Variants in MIA3 observed in about 807,000 individuals in gnomAD.
MIA3 encodes the protein transport and Golgi organization protein 1 homolog.
In MIA3, 90 loss-of-function variants were observed where a neutral mutation model predicts 192.4. That is an observed-to-expected ratio of 0.47 (90% CI 0.39 to 0.56). The LOEUF (loss-of-function observed/expected upper bound fraction) is 0.56, where lower values mean the gene tolerates loss of function less well. MIA3 is among the 20% of genes least tolerant of loss of function. The pLI, the probability that MIA3 is intolerant of heterozygous loss-of-function variation, is 0.00. For synonymous variants in MIA3, 740 were observed against 792.8 expected (o/e 0.93, Z 1.12); for missense variants, 2,123 against 2,269.4 (o/e 0.94, Z 1.31).
chr1:222,618,154 G>A lies in MIA3; in HGVS notation c.44G>A (p.Arg15Gln). 1.3e-6 allele frequency: 2 copies of A among 1,505,148 alleles called. No individual in the cohort carries two copies. The highest frequency in any genetic ancestry group is 5.6e-5 in the East Asian group (2 of 35,606). 93.2% of individuals were successfully genotyped at this position (1,505,148 alleles called of 1,614,324 possible). The change falls in exon 1 of 28, where the codon CGG (arginine) becomes CAG (glutamine). Residue 15 changes from arginine to glutamine, a missense_variant. This residue lies in a region of MIA3 where 1,357 missense variants were observed against 1,396.1 expected (regional missense o/e 0.97). Coordinates refer to ENST00000344922, the MANE Select transcript of MIA3 (RefSeq NM_198551.4). ...CTGCTCGTCTGGCTGCTCGTGCTCC[G>A]GCTGCCCTGGCGGGTGCCGGGCCAG... ...PGLLVWLLVL[R>Q]LPWRVPGQLD...
intron 1 of MIA3, 147 bp downstream of exon 1, chr1:222,618,390 T>C: frequency 1.2e-6 from 1 of 812,656 alleles, no homozygotes; most frequent in Non-Finnish European, 1.6e-6. Context: ...GCAGGCGGGA[T>C]GGGCTGAACG....
intron 6 of MIA3, chr1:222,641,444 C>A (rs1558184063): frequency 4.0e-6 from 2 of 496,830 alleles, no homozygotes; most frequent in South Asian, 3.0e-5. Flanking sequence ...GAGCTGCCCC[C>A]AGGGCTCTGG....
At chr1:222,632,425 T>A (rs1450739608) in intron 5 of MIA3, 99 bp downstream of exon 5, 15 of 1,099,710 alleles carry the variant, frequency 1.4e-5, no homozygotes, top group African/African-American at 7.9e-5. Flanking sequence ...CTTGTTAAAT[T>A]CAAAGGAAAA....
At position 222,627,495 on chromosome 1, in the gene MIA3, T is replaced by C. The variant is rs1571864022; in HGVS notation, c.355-80T>C. The C allele has an allele frequency of 1.3e-5, 16 of 1,201,026 alleles. No individual in the cohort carries two copies. In the East Asian group the frequency reaches 3.8e-4, roughly 28 times the overall value. 74.4% of individuals were successfully genotyped at this position (1,201,026 alleles called of 1,614,324 possible). On this transcript the variant is annotated intron_variant, in intron 3 of 27. Coordinates refer to ENST00000344922, the MANE Select transcript of MIA3 (RefSeq NM_198551.4). Reference sequence around the variant, plus strand: ...AGAGCCAAACGTGAATTCGAGATTATCTCAATCATTAACGTGGATAAGACT... The same window carrying C: ...AGAGCCAAACGTGAATTCGAGATTACCTCAATCATTAACGTGGATAAGACT...
At position 222,659,911 on chromosome 1, in the gene MIA3, T is replaced by G; in HGVS notation, c.4880T>G (p.Leu1627Ter). The change falls in exon 23 of 28, where the codon TTA (leucine) becomes TGA (stop). Residue 1627 changes from leucine to a stop codon, truncating the protein, a stop_gained. Coordinates refer to ENST00000344922, the MANE Select transcript of MIA3 (RefSeq NM_198551.4). LOFTEE classifies it high-confidence loss of function. ...ATTCTTTCTCTATATTCAAGATTAT[T>G]AGAATTAACACAAAAGATGGCAATG... is the stretch of plus-strand genomic sequence containing the variant. ...REAANLRHKL[L>*]ELTQKMAMLQ... 1.2e-6 allele frequency: 2 copies of G among 1,611,660 alleles called. No individual in the cohort carries two copies. The highest frequency in any genetic ancestry group is 1.7e-6 in the Non-Finnish European group (2 of 1,178,282).
chr1:222,645,456 A>G, intron 6 of MIA3, 98 bp from the exon 7 acceptor site: 1 of 1,070,576 alleles, frequency 9.3e-7, no homozygotes, highest in Admixed American at 2.8e-5. Context: ...TATCTGATAG[A>G]GTTGGTTTAG....
At chr1:222,644,394 T>A in intron 6 of MIA3, 1 of 1,536,492 alleles carries the variant, frequency 6.5e-7, no homozygotes, top group East Asian at 2.5e-5. Flanking sequence ...TTGGGGCCTT[T>A]CCGGAGGAGG....
intron 26 of MIA3, 143 bp downstream of exon 26, chr1:222,662,475 G>T: frequency 6.7e-7 from 1 of 1,484,330 alleles, no homozygotes; most frequent in Non-Finnish European, 9.0e-7. Flanking sequence ...TTCTCCAAGA[G>T]CCTGAAGTCC....
At chr1:222,664,936 T>C (rs1457834815) in intron 27 of MIA3, 1 of 470,412 alleles carries the variant, frequency 2.1e-6, no homozygotes, top group Non-Finnish European at 4.4e-6. Flanking sequence ...CAGCACTTTA[T>C]GAATCCCAGC....
Position 222,659,715 on chromosome 1 carries a change from G to C in MIA3, c.4807-19G>C. ...TGCATAGTCTCCCACAACTGAATTT[G>C]GATATTTTTCTTCAATAGCTCAAAG... On this transcript the variant is annotated intron_variant, in intron 21 of 27. Transcript: ENST00000344922. The C allele has an allele frequency of 6.2e-7, 1 of 1,613,796 alleles. No individual in the cohort carries two copies.
chr1:222,658,883 A>G lies in MIA3; in HGVS notation c.4709+60A>G, dbSNP rs1000606129. ...AATGAAACTAGTGTTGGCTTTTTTT[A>G]TTAGCACAAAAGCATAAATAAGTGG... On this transcript the variant is annotated intron_variant, in intron 19 of 27. Coordinates refer to ENST00000344922, the MANE Select transcript of MIA3 (RefSeq NM_198551.4). The G allele has an allele frequency of 3.2e-5, 36 of 1,112,714 alleles. No individual in the cohort carries two copies. The Middle Eastern group carries it at 6.1e-4, about 19-fold the overall frequency. 68.9% of individuals were successfully genotyped at this position (1,112,714 alleles called of 1,614,324 possible). A position where few individuals can be genotyped will look rare whatever the true frequency, so the allele number is the denominator to read the frequency against.
rs1227536122 is a variant in MIA3 at position 222,654,418 on chromosome 1, G to A, written c.4407G>A (p.Glu1469=). Residue 1469 remains glutamate (E), a synonymous_variant, in exon 17 of 28, where the codon GAG becomes GAA. Coordinates refer to ENST00000344922, the MANE Select transcript of MIA3 (RefSeq NM_198551.4). The stretch of plus-strand genomic sequence containing the variant: ...AGACTGCAATATCGGTAGTTGAAGA[G>A]GATCTAAAGCTTTTACAGCTTAAGC... The part of the protein sequence containing the change: ...RTQTAISVVE[E]DLKLLQLKLR... 6.2e-7 allele frequency: 1 copy of A among 1,613,818 alleles called. No individual in the cohort carries two copies. The highest frequency in any genetic ancestry group is 8.5e-7 in the Non-Finnish European group (1 of 1,179,966).
intron 6 of MIA3, among the ~76,000 whole-genome samples, chr1:222,643,568 A>G (rs1257624305): frequency 2.0e-5 from 3 of 152,030 alleles, no homozygotes; most frequent in Non-Finnish European, 4.4e-5. Context: ...TACAGATACC[A>G]TTTTTTCCCC....
Position 222,618,176 on chromosome 1 carries a change from C to A in MIA3, c.66C>A (p.Gly22=). 1 of 1,503,178 alleles carries A rather than the reference C, an allele frequency of 6.7e-7. No homozygotes were observed. Among genetic ancestry groups the A allele is most frequent in the Non-Finnish European group, 8.9e-7 (1 of 1,125,278 alleles). The allele number at this position is 1,503,178 out of a possible 1,614,324, so 93.1% of individuals were successfully genotyped here. A position where few individuals can be genotyped will look rare whatever the true frequency, so the allele number is the denominator to read the frequency against. ...TCCGGCTGCCCTGGCGGGTGCCGGG[C>A]CAGCTGGACCCCAGCACTGGCCGGC... ...LVLRLPWRVP[G]QLDPSTGRRF... Residue 22 remains glycine (G), a synonymous_variant, in exon 1 of 28, where the codon GGC becomes GGA. Transcript: ENST00000344922.
chr1:222,620,728 G>A (rs1022964643), intron 1 of MIA3, among the ~76,000 whole-genome samples: 2 of 152,164 alleles, frequency 1.3e-5, no homozygotes, highest in Admixed American at 6.5e-5. Flanking sequence ...CCTATTACCC[G>A]TTCATGTAGC....
intron 4 of MIA3, 82 bp from the exon 5 acceptor site, chr1:222,632,083 G>A: frequency 1.5e-6 from 2 of 1,291,400 alleles, no homozygotes; most frequent in Non-Finnish European, 2.1e-6. Context: ...CAATGTTGAG[G>A]TGCCCTGGTG....
At chr1:222,636,606 G>A (rs1027293830) in intron 6 of MIA3, among the ~76,000 whole-genome samples, 2 of 148,818 alleles carry the variant, frequency 1.3e-5, no homozygotes, top group African/African-American at 5.0e-5. Context: ...TCCACCTCCC[G>A]GGTTCAAGCG....
At chr1:222,634,085 G>C (rs922595552) in intron 6 of MIA3, among the ~76,000 whole-genome samples, 47 of 152,118 alleles carry the variant, frequency 3.1e-4, no homozygotes. Flanking sequence ...CATGGGAGCT[G>C]CCCACCTTGG....
In MIA3 at chr1:222,666,407, A is replaced by T. The variant is rs1007061378; in HGVS notation, c.*788A>T. 2 of 152,184 alleles carry T rather than the reference A, an allele frequency of 1.3e-5. No homozygotes were observed. The highest frequency in any genetic ancestry group is 4.8e-5 in the African/African-American group (2 of 41,432). 9.4% of individuals were successfully genotyped at this position (152,184 alleles called of 1,614,324 possible). A position where few individuals can be genotyped will look rare whatever the true frequency, so the allele number is the denominator to read the frequency against. ...TGAGAGTGAGTTTACATTAGTAGCA[A>T]GAGTTGTTTGACCTGATGTTCCATT... On this transcript the variant is annotated 3_prime_UTR_variant, in exon 28 of 28. Transcript: ENST00000344922.
Sources: allele counts gnomAD v4.1 joint callset (sites outside exome capture counted in the v4.1 genomes callset), GRCh38; gene constraint gnomAD v4.1.1; regional missense constraint gnomAD v4.1.1; transcripts MANE v1.5; gene names NCBI Gene and HGNC (gene_info 2026-07-23, HGNC 2026-07-21).